The following GRHL2 variants were observed in gnomAD, a reference collection of about 807,000 sequenced individuals.
The protein encoded by GRHL2 is grainyhead like transcription factor 2.
In GRHL2, 21 loss-of-function variants were observed where a neutral mutation model predicts 83.8. That is an observed-to-expected ratio of 0.25 (90% confidence interval 0.18 to 0.36). GRHL2 has a LOEUF of 0.36. Ranked by LOEUF, GRHL2 falls within the 10% of genes least tolerant of loss-of-function variation. The pLI is 1.00. For missense variants in GRHL2, 623 were observed against 781.8 expected, an observed-to-expected ratio of 0.80 and a Z score of 2.42; for synonymous variants, 280 against 278.9, an observed-to-expected ratio of 1.00 and a Z score of -0.04.
chr8:101,573,539 T>C (rs1811868939), intron 5 of GRHL2, 129 bp from the exon 6 acceptor site: 2 of 1,073,602 alleles, frequency 1.9e-6, no homozygotes, highest in Non-Finnish European at 2.8e-6. Flanking sequence ...TTTTGCCATA[T>C]GCTGTGTTTT....
intron 8 of GRHL2, among the ~76,000 whole-genome samples, chr8:101,606,735 GCT>G (rs2130334014): frequency 6.6e-6 from 1 of 152,226 alleles, no homozygotes; most frequent in South Asian, 2.1e-4. Flanking sequence ...AGAAAACCCA[GCT>G]CTCTTCCTTC....
intron 1 of GRHL2, among the ~76,000 whole-genome samples, chr8:101,505,435 G>A (rs1810317890): frequency 6.6e-6 from 1 of 151,928 alleles, no homozygotes; most frequent in Non-Finnish European, 1.5e-5. Context: ...AAATTAGCCG[G>A]ATGTGGTGGT....
chr8:101,569,584 C>T (rs1302105879), intron 4 of GRHL2, among the ~76,000 whole-genome samples: 2 of 152,144 alleles, frequency 1.3e-5, no homozygotes, highest in African/African-American at 2.4e-5. Flanking sequence ...ATGCTTCCGC[C>T]TCAACTTTCT....
At chr8:101,508,352 A>G (rs1244937485) in intron 1 of GRHL2, among the ~76,000 whole-genome samples, 4 of 146,420 alleles carry the variant, frequency 2.7e-5, no homozygotes, top group Non-Finnish European at 6.0e-5. Context: ...TAAAAATGGT[A>G]CTTGTTCTGA....
intron 9 of GRHL2, 34 bp downstream of exon 9, chr8:101,619,731 CT>C: frequency 2.6e-6 from 4 of 1,527,566 alleles, no homozygotes; most frequent in Non-Finnish European, 3.6e-6. Context: ...ATAAAGGTAT[CT>C]TTTTTATTAG....
At chr8:101,639,692 G>A (rs1421503082) in intron 12 of GRHL2, among the ~76,000 whole-genome samples, 2 of 152,190 alleles carry the variant, frequency 1.3e-5, no homozygotes, top group East Asian at 3.9e-4. Context: ...TTCATTCCTT[G>A]GAGTGTAGGA....
intron 14 of GRHL2, among the ~76,000 whole-genome samples, chr8:101,663,895 T>C (rs959167108): frequency 4.6e-5 from 7 of 152,046 alleles, no homozygotes; most frequent in Non-Finnish European, 7.4e-5. Flanking sequence ...TTTTTGTCTT[T>C]AGCATTTTAG....
intron 14 of GRHL2, 144 bp downstream of exon 14, chr8:101,649,643 T>C (rs1813582254): frequency 2.8e-6 from 2 of 712,264 alleles, no homozygotes; most frequent in Non-Finnish European, 5.1e-6. Context: ...GTGGAGGCAT[T>C]GATCTCGCTA....
At chr8:101,589,596 G>A (rs1183352158) in intron 7 of GRHL2, among the ~76,000 whole-genome samples, 1 of 152,184 alleles carries the variant, frequency 6.6e-6, no homozygotes, top group Admixed American at 6.5e-5. Flanking sequence ...CTTGAAAGCT[G>A]TAACATTGTC....
chr8:101,501,948 G>A (rs1054037934), intron 1 of GRHL2, among the ~76,000 whole-genome samples: 13 of 151,826 alleles, frequency 8.6e-5, no homozygotes, highest in Non-Finnish European at 1.8e-4. Context: ...AACCATGAAC[G>A]TGAGTCTGTG....
At chr8:101,573,987 T>C (rs558909341) in intron 6 of GRHL2, 163 bp downstream of exon 6, 2 of 776,940 alleles carry the variant, frequency 2.6e-6, no homozygotes, top group South Asian at 1.5e-5. Context: ...TGGCTCGTAG[T>C]TGATCATTGT....
At chr8:101,676,993 T>C in the GRHL2 span, among the ~76,000 whole-genome samples, 2 of 151,416 alleles carry the variant, frequency 1.3e-5, no homozygotes, top group Admixed American at 6.6e-5. Flanking sequence ...TTCTCACTCA[T>C]AGGTGGGAAT....
intron 14 of GRHL2, 132 bp downstream of exon 14, chr8:101,649,631 T>C: frequency 1.4e-6 from 1 of 729,886 alleles, no homozygotes; most frequent in South Asian, 1.5e-5. Context: ...AACCTAAGAT[T>C]TGTGGAGGCA....
intron 1 of GRHL2, among the ~76,000 whole-genome samples, chr8:101,494,589 GGTTT>G (rs1194100990): frequency 1.3e-5 from 2 of 152,202 alleles, no homozygotes; most frequent in Middle Eastern, 3.4e-3. Context: ...AAGTTTTTGG[GGTTT>G]GTTTTGATCT....
chr8:101,643,212 G>A (rs1813436870), intron 12 of GRHL2, among the ~76,000 whole-genome samples: 2 of 152,054 alleles, frequency 1.3e-5, no homozygotes, highest in South Asian at 2.1e-4. Context: ...TGTGTCTTTC[G>A]GGATTGTGAT....
intron 1 of GRHL2, among the ~76,000 whole-genome samples, chr8:101,502,113 A>G (rs1199740326): frequency 2.0e-5 from 3 of 152,230 alleles, no homozygotes; most frequent in Admixed American, 2.0e-4. Context: ...TTTCAAAGAA[A>G]CAAGGAACAA....
rs368325220 is a variant in GRHL2 at position 101,652,154 on chromosome 8, G to T, written c.1698+2655G>T. ...AGAAAGGGTTTCCTTTCAGGGTGTG[G>T]GTTCTCTTTAGACCAGGGCCTTACT... is the stretch of plus-strand genomic sequence containing the variant. On this transcript the variant is annotated intron_variant, in intron 14 of 15. Transcript: ENST00000646743. Among the ~76,000 whole-genome samples, 11 of 152,158 alleles carry T rather than the reference G, an allele frequency of 7.2e-5. No homozygotes were observed. The East Asian group carries it at 1.9e-3, about 27-fold the overall frequency.
intron 13 of GRHL2, among the ~76,000 whole-genome samples, chr8:101,645,884 A>AT (rs944706179): frequency 2.6e-5 from 4 of 151,780 alleles, no homozygotes; most frequent in South Asian, 4.2e-4. Context: ...TTTAAAAAAA[A>AT]TTTTTTTTTG....
chr8:101,638,474 G>A (rs1023130833), intron 12 of GRHL2, among the ~76,000 whole-genome samples: 2 of 152,218 alleles, frequency 1.3e-5, no homozygotes, highest in African/African-American at 4.8e-5. Flanking sequence ...GTGTCAATTT[G>A]TTTATGTATT....
Sources: allele counts gnomAD v4.1 joint callset (sites outside exome capture counted in the v4.1 genomes callset), GRCh38; gene constraint gnomAD v4.1.1; transcripts MANE v1.5; gene names NCBI Gene and HGNC (gene_info 2026-07-23, HGNC 2026-07-21).